PRMT8: variants seen among roughly 807,000 people sequenced by gnomAD.
PRMT8 encodes the protein protein arginine methyltransferase 8, also known as protein arginine N-methyltransferase 8.
PRMT8 carries 7 observed loss-of-function variants against 47.1 expected under a neutral mutation model. The observed-to-expected ratio is 0.15, with a 90% CI of 0.08 to 0.28. The LOEUF is 0.28. PRMT8 is among the 10% of genes least tolerant of loss of function. PRMT8 has a pLI of 1.00. For missense variants in PRMT8, 237 were observed against 505.4 expected, an observed-to-expected ratio of 0.47 and a Z score of 5.09; for synonymous variants, 188 against 186.5, an observed-to-expected ratio of 1.01 and a Z score of -0.07.
intron 4 of PRMT8, among the ~76,000 whole-genome samples, chr12:3,561,499 A>G (rs1156321754): frequency 6.6e-6 from 1 of 152,070 alleles, no homozygotes. Context: ...AATGACTAAG[A>G]CGCCCTGCAG....
intron 1 of PRMT8, among the ~76,000 whole-genome samples, chr12:3,446,972 TC>T (rs1411284733): frequency 6.6e-6 from 1 of 152,086 alleles, no homozygotes; most frequent in Non-Finnish European, 1.5e-5. Context: ...TAACCATACA[TC>T]CCCTTTATGA....
intron 4 of PRMT8, among the ~76,000 whole-genome samples, chr12:3,565,047 A>C (rs1010295980): frequency 3.3e-5 from 5 of 152,236 alleles, no homozygotes; most frequent in Non-Finnish European, 7.3e-5. Flanking sequence ...GCACAGAAAG[A>C]ATGTGACCTC....
chr12:3,451,943 T>A (rs1864923255), intron 1 of PRMT8, among the ~76,000 whole-genome samples: 1 of 152,294 alleles, frequency 6.6e-6, no homozygotes, highest in South Asian at 2.1e-4. Context: ...AGATGCGGCT[T>A]CTCCACATAA....
chr12:3,539,243 C>T (rs1341293742), intron 1 of PRMT8, among the ~76,000 whole-genome samples: 1 of 152,166 alleles, frequency 6.6e-6, no homozygotes, highest in Admixed American at 6.5e-5. Flanking sequence ...AACTTTTGGA[C>T]AAATTTTTCA....
At chr12:3,516,359 A>G (rs1446360555) in intron 1 of PRMT8, among the ~76,000 whole-genome samples, 2 of 152,156 alleles carry the variant, frequency 1.3e-5, no homozygotes, top group Non-Finnish European at 2.9e-5. Flanking sequence ...TCATTTACTC[A>G]TGCATTGCAT....
At chr12:3,403,666 C>T (rs1322971247) in intron 1 of PRMT8, among the ~76,000 whole-genome samples, 1 of 151,710 alleles carries the variant, frequency 6.6e-6, no homozygotes, top group Non-Finnish European at 1.5e-5. Flanking sequence ...ATCACTTGAG[C>T]TCAGGAGCTT....
chr12:3,455,374 G>A (rs528781268), intron 1 of PRMT8, among the ~76,000 whole-genome samples: 2 of 152,306 alleles, frequency 1.3e-5, no homozygotes, highest in South Asian at 2.1e-4. Flanking sequence ...GGCTTGGGGT[G>A]TGGAAGGCAA....
chr12:3,498,573 C>T lies in PRMT8; in HGVS notation c.75+6873C>T, dbSNP rs145306756. Among the ~76,000 whole-genome samples the T allele has an allele frequency of 1.3e-3, 193 of 152,252 alleles. 2 individuals carry two copies. The highest frequency in any genetic ancestry group is 4.1e-3 in the African/African-American group (170 of 41,532). ...GACAGCCATCACCTCACTCTCCCTG[C>T]GCATCTAAACTATCCCTAGGCGTGG... On this transcript the variant is annotated intron_variant, in intron 1 of 9. Coordinates refer to ENST00000382622, the MANE Select transcript of PRMT8 (RefSeq NM_019854.5).
intron 1 of PRMT8, among the ~76,000 whole-genome samples, chr12:3,447,815 T>C (rs368331670): frequency 1.8e-4 from 27 of 152,238 alleles, no homozygotes; most frequent in African/African-American, 6.0e-4. Context: ...CTGACCTCTT[T>C]ACATTGCCTC....
chr12:3,556,359 AG>A (rs939630193), intron 4 of PRMT8, among the ~76,000 whole-genome samples: 6 of 152,052 alleles, frequency 3.9e-5, no homozygotes, highest in African/African-American at 1.4e-4. Context: ...GGCAGCAAAG[AG>A]GTAGAGAAGA....
intron 1 of PRMT8, among the ~76,000 whole-genome samples, chr12:3,444,710 C>T (rs919555552): frequency 5.3e-5 from 8 of 152,238 alleles, no homozygotes; most frequent in East Asian, 3.9e-4. Context: ...CACTGGGCAT[C>T]GTGGAGCAAG....
chr12:3,524,329 A>G (rs1165629331), intron 1 of PRMT8, among the ~76,000 whole-genome samples: 1 of 152,138 alleles, frequency 6.6e-6, no homozygotes, highest in Non-Finnish European at 1.5e-5. Flanking sequence ...TCCATTTCCA[A>G]GACAAAGTGC....
At position 3,593,231 on chromosome 12, in the gene PRMT8, G is replaced by C. The variant is rs774786624; in HGVS notation, c.*49G>C. On this transcript the variant is annotated 3_prime_UTR_variant, in exon 10 of 10. Coordinates refer to ENST00000382622, the MANE Select transcript of PRMT8 (RefSeq NM_019854.5). The surrounding 1 kb of genome is among the most constrained non-coding windows in gnomAD (Gnocchi z 4.8). Reference sequence around the variant, plus strand: ...CAACGAGAAAAGGAACTCTCACCTCGATCTGCCGTGCCGTCCCAAAGAATA... The same window carrying C: ...CAACGAGAAAAGGAACTCTCACCTCCATCTGCCGTGCCGTCCCAAAGAATA... 1.6e-5 allele frequency: 24 copies of C among 1,469,780 alleles called. No individual in the cohort carries two copies. The East Asian group carries it at 4.6e-4, about 28-fold the overall frequency. 91.0% of individuals were successfully genotyped at this position (1,469,780 alleles called of 1,614,324 possible).
intron 8 of PRMT8, among the ~76,000 whole-genome samples, chr12:3,585,532 ATTTTTT>A (rs5796061): frequency 7.1e-6 from 1 of 140,372 alleles, no homozygotes; most frequent in Non-Finnish European, 1.5e-5. Flanking sequence ...ATACTTTTTA[ATTTTTT>A]TTTTTTTTTG....
At chr12:3,447,297 C>T (rs1039805842) in intron 1 of PRMT8, among the ~76,000 whole-genome samples, 4 of 152,180 alleles carry the variant, frequency 2.6e-5, no homozygotes, top group Admixed American at 2.0e-4. Flanking sequence ...TTGATGTCAG[C>T]AGTGCTGCTC....
chr12:3,568,985 C>T, intron 5 of PRMT8, 137 bp downstream of exon 5: 1 of 1,197,764 alleles, frequency 8.3e-7, no homozygotes, highest in Non-Finnish European at 1.2e-6. Context: ...GCCCCTCTCT[C>T]TAGAGCAGAT....
chr12:3,494,932 G>A (rs897469642), intron 1 of PRMT8, among the ~76,000 whole-genome samples: 2 of 152,136 alleles, frequency 1.3e-5, no homozygotes, highest in African/African-American at 4.8e-5. Context: ...TGGCAAACAC[G>A]CAATAGTGTT....
At chr12:3,577,740 GTTC>G (rs1345628948) in intron 7 of PRMT8, among the ~76,000 whole-genome samples, 9 of 152,206 alleles carry the variant, frequency 5.9e-5, no homozygotes, top group East Asian at 1.9e-4. Context: ...GCCCAAGACA[GTTC>G]TTCTTCTAAT....
At chr12:3,402,932 A>G (rs1455483609) in intron 1 of PRMT8, among the ~76,000 whole-genome samples, 4 of 152,248 alleles carry the variant, frequency 2.6e-5, no homozygotes, top group African/African-American at 9.6e-5. Flanking sequence ...ACCTAGAGGC[A>G]GAGATACCAT....
Sources: gnomAD v4.1 joint callset for allele counts (sites outside exome capture counted in the v4.1 genomes callset) on GRCh38, gnomAD v4.1.1 for gene constraint, Gnocchi (gnomAD v3.1) non-coding constraint, MANE v1.5 for transcripts, NCBI Gene and HGNC (gene_info 2026-07-23, HGNC 2026-07-21) for gene names.